The following COBL variants were observed in gnomAD, a reference collection of about 807,000 sequenced individuals.
COBL encodes the protein cordon-bleu WH2 repeat protein.
Under a neutral mutation model 98.8 loss-of-function variants are expected in COBL, and 51 were observed. The observed-to-expected ratio is 0.52, with a 90% CI of 0.41 to 0.65. COBL has a LOEUF of 0.65. COBL is among the 30% of genes least tolerant of loss of function. The pLI, the probability that COBL is intolerant of heterozygous loss-of-function variation, is 0.00. For missense variants in COBL, 1,617 were observed against 1,617.5 expected, an observed-to-expected ratio of 1.00 and a Z score of 0.01; for synonymous variants, 634 against 651.7, an observed-to-expected ratio of 0.97 and a Z score of 0.41.
chr7:51,179,264 T>C (rs1326812698), intron 5 of COBL, among the ~76,000 whole-genome samples: 1 of 152,146 alleles, frequency 6.6e-6, no homozygotes, highest in Non-Finnish European at 1.5e-5. Context: ...GGGGACAGAG[T>C]CTTGCTCTTT....
In COBL at chr7:51,028,086, G is replaced by C. The variant is rs373944191; in HGVS notation, c.3010C>G (p.Gln1004Glu). The C allele has an allele frequency of 1.7e-4, 271 of 1,613,852 alleles. No individual in the cohort carries two copies. The highest frequency in any genetic ancestry group is 2.2e-4 in the Non-Finnish European group (255 of 1,179,926). The change falls in exon 10 of 13, where the codon CAG becomes GAG. Residue 1004 changes from glutamine to glutamate, a missense_variant. Gln to Glu is a conservative substitution (Grantham distance 29). Around this residue, in one of 3 missense-constraint regions of COBL, gnomAD observed 1,304 missense variants for 1,282.0 expected, o/e 1.02. Coordinates refer to ENST00000265136, the MANE Select transcript of COBL (RefSeq NM_015198.5). ...GFSGKQSTSS[Q>E]EASSASEPRR... ...GGCTCAGATGCTGAGCTGGCCTCCT[G>C]GCTACTTGTGCTTTGCTTTCCACTG...
intron 6 of COBL, among the ~76,000 whole-genome samples, chr7:51,092,573 C>G (rs1376561284): frequency 1.3e-5 from 2 of 152,038 alleles, no homozygotes; most frequent in Non-Finnish European, 2.9e-5. Context: ...ATACCTTTGT[C>G]AAAAATCAAT....
intron 5 of COBL, among the ~76,000 whole-genome samples, chr7:51,156,815 A>C (rs939534272): frequency 6.6e-6 from 1 of 151,936 alleles, no homozygotes; most frequent in Non-Finnish European, 1.5e-5. Context: ...TCATTTCTTA[A>C]CCCTTCTCCT....
chr7:51,204,269 A>T (rs1791440286), intron 2 of COBL, among the ~76,000 whole-genome samples: 1 of 152,248 alleles, frequency 6.6e-6, no homozygotes, highest in South Asian at 2.1e-4. Flanking sequence ...CTAACATTAT[A>T]ATCAATGGAG....
intron 8 of COBL, among the ~76,000 whole-genome samples, chr7:51,040,876 T>C (rs1029717605): frequency 7.2e-5 from 11 of 152,216 alleles, no homozygotes; most frequent in Admixed American, 6.5e-4. Flanking sequence ...ATCAGCAAGA[T>C]TTTACATCAA....
At chr7:51,314,316 C>G (rs780115957) in intron 1 of COBL, among the ~76,000 whole-genome samples, 2 of 152,184 alleles carry the variant, frequency 1.3e-5, no homozygotes, top group Non-Finnish European at 2.9e-5. Flanking sequence ...CAGAGGCTTA[C>G]TGAAAGTTTG....
intron 3 of COBL, 68 bp from the exon 4 acceptor site, chr7:51,191,146 A>G: frequency 7.2e-7 from 1 of 1,383,166 alleles, no homozygotes; most frequent in Non-Finnish European, 1.0e-6. Context: ...CTCTTGTGTC[A>G]ATTTGACAAT....
intron 6 of COBL, among the ~76,000 whole-genome samples, chr7:51,132,121 T>A (rs1160368309): frequency 6.6e-6 from 1 of 152,214 alleles, no homozygotes; most frequent in Non-Finnish European, 1.5e-5. Context: ...AACAGCAAAT[T>A]TGATTTTTAA....
rs1160030774 is a variant in COBL at position 51,118,620 on chromosome 7, T to C, written c.957+17538A>G. On this transcript the variant is annotated intron_variant, in intron 6 of 12. Transcript: ENST00000265136. Reference sequence around the variant, plus strand: ...GGGCTCATACAAGGATGTGAATCACTGGGGGGGAGAGGGGGAGGGGTGTCA... The same window carrying C: ...GGGCTCATACAAGGATGTGAATCACCGGGGGGGAGAGGGGGAGGGGTGTCA... Among the ~76,000 whole-genome samples the C allele has an allele frequency of 1.4e-5, 2 of 148,134 alleles. 1 individual carries two copies. The highest frequency in any genetic ancestry group is 3.0e-5 in the Non-Finnish European group (2 of 67,156).
intron 12 of COBL, among the ~76,000 whole-genome samples, chr7:51,018,730 T>C: frequency 6.6e-6 from 1 of 150,696 alleles, no homozygotes; most frequent in Non-Finnish European, 1.5e-5. Context: ...CCGTCTCTAC[T>C]AAAAATAAAA....
intron 7 of COBL, among the ~76,000 whole-genome samples, chr7:51,056,209 T>TG (rs5884184): frequency 0.35 from 42,880 of 121,800 alleles, 7,213 homozygotes; most frequent in East Asian, 0.5. Flanking sequence ...AGAAACAATA[T>TG]GGGGGGGTGC....
At chr7:51,111,149 G>A (rs1348632059) in intron 6 of COBL, among the ~76,000 whole-genome samples, 1 of 152,100 alleles carries the variant, frequency 6.6e-6, no homozygotes, top group East Asian at 1.9e-4. Flanking sequence ...AATAAACATG[G>A]GGGTGCAGAC....
At chr7:51,250,042 C>G (rs1160926995) in intron 1 of COBL, among the ~76,000 whole-genome samples, 1 of 151,868 alleles carries the variant, frequency 6.6e-6, no homozygotes, top group African/African-American at 2.4e-5. Context: ...GTGGAGGTTA[C>G]AGTAAGCCAA....
At position 51,193,515 on chromosome 7, in the gene COBL, A is replaced by G; in HGVS notation, c.320T>C (p.Ile107Thr). The G allele has an allele frequency of 6.2e-7, 1 of 1,614,214 alleles. No homozygotes were observed. The change falls in exon 3 of 13, where the codon ATT (isoleucine) becomes ACT (threonine). Residue 107 changes from isoleucine to threonine, a missense_variant. Ile to Thr is a moderately conservative substitution (Grantham distance 89). Around this residue, in one of 3 missense-constraint regions of COBL, gnomAD observed 238 missense variants for 215.0 expected, o/e 1.11. Transcript: ENST00000265136. ...AGGTTGTTGGGTTTCTGAAGACCGA[A>G]TTTCAAGGGCATGGTGGGATGGATT... Reference protein sequence around the residue: ...HLNPSHHALEIRSSETQQPLS... With the variant: ...HLNPSHHALETRSSETQQPLS...
rs763568175 is a variant in COBL, at chr7:51,219,807, G to A, written c.179C>T (p.Ala60Val). 1.7e-5 allele frequency: 28 copies of A among 1,614,004 alleles called. No individual in the cohort carries two copies. Among genetic ancestry groups the A allele is most frequent in the Non-Finnish European group, 2.4e-5 (28 of 1,180,058 alleles). The change falls in exon 2 of 13, where the codon GCC becomes GTC. Residue 60 changes from alanine to valine, a missense_variant. Physicochemically the swap from Ala to Val is moderately conservative, Grantham distance 64 (BLOSUM62 0). Around this residue, in one of 3 missense-constraint regions of COBL, gnomAD observed 238 missense variants for 215.0 expected, o/e 1.11. Coordinates refer to ENST00000265136, the MANE Select transcript of COBL (RefSeq NM_015198.5). ...NLVRMKEALR[A>V]STMDVTVVLP... Reference sequence around the variant, plus strand: ...GACCACGGTGACGTCCATGGTGCTGGCCCTCAGCGCCTCCTTCATGCGAAC... The same window carrying A: ...GACCACGGTGACGTCCATGGTGCTGACCCTCAGCGCCTCCTTCATGCGAAC...
chr7:51,055,935 C>A (rs1442392902), intron 7 of COBL, among the ~76,000 whole-genome samples: 4 of 152,182 alleles, frequency 2.6e-5, no homozygotes, highest in Non-Finnish European at 1.5e-5. Flanking sequence ...TCTCAAAAGG[C>A]AGGAGTATTT....
chr7:51,176,671 A>G (rs1041564821), intron 5 of COBL, among the ~76,000 whole-genome samples: 12 of 152,360 alleles, frequency 7.9e-5, no homozygotes, highest in Middle Eastern at 3.4e-3. Flanking sequence ...GGCTTTAGGC[A>G]TATGAGACAG....
intron 12 of COBL, among the ~76,000 whole-genome samples, chr7:51,022,393 C>T (rs1257287328): frequency 2.0e-5 from 3 of 152,204 alleles, no homozygotes; most frequent in South Asian, 4.1e-4. Context: ...GCCCGGCTCC[C>T]GCCCTGGCTA....
rs1789597975 is a variant in COBL at position 51,045,453 on chromosome 7, C to CA, written c.1097-1762dup. 2.6e-5 allele frequency among the ~76,000 whole-genome samples: 4 copies of CA among 152,296 alleles called. No homozygotes were observed. The South Asian group carries it at 8.3e-4, about 32-fold the overall frequency. On this transcript the variant is annotated intron_variant, in intron 7 of 12. Coordinates refer to ENST00000265136, the MANE Select transcript of COBL (RefSeq NM_015198.5). ...AAAGAATGACAGTGCTGTATGGTCACACCAACTCTCGGTGTGCTCCCATAG... is the reference window on the plus strand; with the variant it reads ...AAAGAATGACAGTGCTGTATGGTCACAACCAACTCTCGGTGTGCTCCCATAG...
Sources: allele counts gnomAD v4.1 joint callset (sites outside exome capture counted in the v4.1 genomes callset), GRCh38; gene constraint gnomAD v4.1.1; regional missense constraint gnomAD v4.1.1; transcripts MANE v1.5; gene names NCBI Gene and HGNC (gene_info 2026-07-23, HGNC 2026-07-21).